The following MAGI1 variants were observed in gnomAD, a reference collection of about 807,000 sequenced individuals.
The protein encoded by MAGI1 is membrane associated guanylate kinase, WW and PDZ domain containing 1.
Under a neutral mutation model 139.9 loss-of-function variants are expected in MAGI1, and 58 were observed. The ratio of observed to expected loss-of-function variants is 0.41; its 90% CI spans 0.34 to 0.52. The LOEUF is 0.52. Among genes scored for constraint, MAGI1 ranks in the 20% least tolerant of loss-of-function variants. The probability of loss-of-function intolerance (pLI) is 0.12; values close to 1 mark genes in which losing one functional copy is unlikely to be tolerated. For missense variants in MAGI1, 1,874 were observed against 1,901.6 expected (o/e 0.99, Z 0.27); for synonymous variants, 812 against 737.9 (o/e 1.10, Z -1.63).
intron 14 of MAGI1, among the ~76,000 whole-genome samples, chr3:65,386,468 C>T (rs1943460754): frequency 1.3e-5 from 2 of 152,276 alleles, no homozygotes; most frequent in East Asian, 1.9e-4. Flanking sequence ...TACTCTTCTA[C>T]CAACTAAATG....
At chr3:65,376,004 G>A (rs1942486444) in intron 17 of MAGI1, 59 bp from the exon 18 acceptor site, 6 of 1,284,370 alleles carry the variant, frequency 4.7e-6, no homozygotes, top group Admixed American at 4.0e-5. Flanking sequence ...GCAAAGGGAA[G>A]AGAAAAAGGG....
intron 12 of MAGI1, among the ~76,000 whole-genome samples, chr3:65,406,369 G>A (rs922924970): frequency 2.0e-5 from 3 of 151,978 alleles, no homozygotes; most frequent in Admixed American, 6.5e-5. Flanking sequence ...TTTAAAGGAA[G>A]TGGGAATGCC....
chr3:66,023,041 C>T (rs1337085432), intron 1 of MAGI1, among the ~76,000 whole-genome samples: 3 of 152,164 alleles, frequency 2.0e-5, no homozygotes, highest in Admixed American at 1.3e-4. Context: ...TCAAACTTCA[C>T]GCCAAGCTAG....
chr3:65,444,506 T>C (rs1028126471), intron 7 of MAGI1, among the ~76,000 whole-genome samples: 3 of 152,172 alleles, frequency 2.0e-5, no homozygotes, highest in African/African-American at 7.2e-5. Flanking sequence ...CTGAGATATG[T>C]GGCCTGATTA....
chr3:65,792,979 TA>T (rs1423045025), intron 1 of MAGI1, among the ~76,000 whole-genome samples: 8 of 152,078 alleles, frequency 5.3e-5, no homozygotes, highest in African/African-American at 1.9e-4. Flanking sequence ...CACACCAAAG[TA>T]GGAGAAATAG....
chr3:65,931,246 G>T (rs894739622), intron 1 of MAGI1, among the ~76,000 whole-genome samples: 1 of 152,104 alleles, frequency 6.6e-6, no homozygotes, highest in East Asian at 1.9e-4. Flanking sequence ...TGTTAGCCAG[G>T]ATGGTCTCAA....
At chr3:65,469,126 C>T (rs1950388630) in intron 5 of MAGI1, among the ~76,000 whole-genome samples, 1 of 152,124 alleles carries the variant, frequency 6.6e-6, no homozygotes, top group African/African-American at 2.4e-5. Context: ...GTGCCTAGAA[C>T]TTGATCTACA....
intron 1 of MAGI1, among the ~76,000 whole-genome samples, chr3:65,639,897 G>C (rs574118052): frequency 2.0e-5 from 3 of 151,834 alleles, no homozygotes; most frequent in Non-Finnish European, 4.4e-5. Flanking sequence ...AGCTACTCAG[G>C]AGGCTGAGGC....
chr3:65,637,918 G>A (rs888395790), intron 1 of MAGI1, among the ~76,000 whole-genome samples: 2 of 152,060 alleles, frequency 1.3e-5, no homozygotes, highest in African/African-American at 4.8e-5. Context: ...CAAACCATGA[G>A]AGTTTCCTAT....
chr3:65,832,740 C>A (rs13091526), intron 1 of MAGI1, among the ~76,000 whole-genome samples: 1 of 152,112 alleles, frequency 6.6e-6, no homozygotes, highest in Non-Finnish European at 1.5e-5. Context: ...TTAATGTTTA[C>A]TGAAATGACT....
intron 1 of MAGI1, among the ~76,000 whole-genome samples, chr3:65,969,581 T>C (rs1032245090): frequency 6.6e-6 from 1 of 152,196 alleles, no homozygotes; most frequent in Non-Finnish European, 1.5e-5. Context: ...TGTGGCTGAA[T>C]AACTAGAGCA....
chr3:65,819,399 T>G (rs1448297709), intron 1 of MAGI1, among the ~76,000 whole-genome samples: 32 of 152,142 alleles, frequency 2.1e-4, no homozygotes. Context: ...GACCTAAATT[T>G]TATGCACTGT....
chr3:65,786,196 T>C (rs1000429512), intron 1 of MAGI1, among the ~76,000 whole-genome samples: 2 of 151,628 alleles, frequency 1.3e-5, no homozygotes, highest in Non-Finnish European at 2.9e-5. Context: ...CCTCAGGTGA[T>C]CTGGCCACCT....
chr3:66,009,130 G>C (rs2067187067), intron 1 of MAGI1: 1 of 152,278 alleles, frequency 6.6e-6, no homozygotes, highest in Admixed American at 6.5e-5. Flanking sequence ...CAGTGCTAAA[G>C]CAAAAGAAAA....
chr3:65,819,842 A>C (rs1575603591), intron 1 of MAGI1, among the ~76,000 whole-genome samples: 1 of 136,480 alleles, frequency 7.3e-6, no homozygotes, highest in African/African-American at 2.8e-5. Flanking sequence ...ACACCACTGC[A>C]CTCCAGCCTA....
intron 12 of MAGI1, among the ~76,000 whole-genome samples, chr3:65,427,334 A>ACTTGATTTT (rs1947125805): frequency 6.6e-6 from 1 of 152,082 alleles, no homozygotes; most frequent in African/African-American, 2.4e-5. Context: ...AAAAAATAAA[A>ACTTGATTTT]TCAAGGAGTA....
intron 1 of MAGI1, among the ~76,000 whole-genome samples, chr3:65,962,593 G>C (rs577358690): frequency 2.0e-5 from 3 of 151,838 alleles, no homozygotes; most frequent in Non-Finnish European, 4.4e-5. Flanking sequence ...ACAGCACTTC[G>C]GGAGGCTGAG....
intron 5 of MAGI1, among the ~76,000 whole-genome samples, chr3:65,461,943 A>G (rs1344442819): frequency 1.3e-5 from 2 of 152,112 alleles, no homozygotes; most frequent in Non-Finnish European, 2.9e-5. Flanking sequence ...GTGTCTGTTC[A>G]TATCCTTTGC....
intron 1 of MAGI1, among the ~76,000 whole-genome samples, chr3:65,794,171 G>T (rs190638339): frequency 6.6e-6 from 1 of 152,050 alleles, no homozygotes; most frequent in Admixed American, 6.6e-5. Context: ...TTTCCTTCTC[G>T]TAAAAGGAAA....
Sources: allele counts gnomAD v4.1 joint callset (sites outside exome capture counted in the v4.1 genomes callset), GRCh38; gene constraint gnomAD v4.1.1; transcripts MANE v1.5; gene names NCBI Gene and HGNC (gene_info 2026-07-23, HGNC 2026-07-21).